PTPRT: variants seen among roughly 807,000 people sequenced by gnomAD.
PTPRT encodes protein tyrosine phosphatase receptor type T, also known as receptor-type tyrosine-protein phosphatase T.
Under a neutral mutation model 176.8 loss-of-function variants are expected in PTPRT, and 56 were observed. That is an observed-to-expected ratio of 0.32 (90% CI 0.26 to 0.40). PTPRT has a LOEUF of 0.40. PTPRT is among the 10% of genes least tolerant of loss of function. The probability of loss-of-function intolerance (pLI) is 1.00; values close to 1 mark genes in which losing one functional copy is unlikely to be tolerated. For missense variants in PTPRT, 1,540 were observed against 1,908.2 expected (o/e 0.81, Z 3.60); for synonymous variants, 783 against 739.0 (o/e 1.06, Z -0.96).
chr20:42,551,243 C>T (rs2072765198), intron 7 of PTPRT, among the ~76,000 whole-genome samples: 1 of 152,052 alleles, frequency 6.6e-6, no homozygotes, highest in South Asian at 2.1e-4. Flanking sequence ...AAAACATCTG[C>T]CTTGTTACTC....
At chr20:42,478,742 C>A (rs1317135796) in intron 7 of PTPRT, among the ~76,000 whole-genome samples, 4 of 151,824 alleles carry the variant, frequency 2.6e-5, no homozygotes, top group Admixed American at 1.3e-4. Context: ...CATTTTTTTT[C>A]CTTAACCTGC....
At chr20:42,159,532 C>T (rs1325439315) in intron 17 of PTPRT, among the ~76,000 whole-genome samples, 1 of 151,990 alleles carries the variant, frequency 6.6e-6, no homozygotes, top group African/African-American at 2.4e-5. Flanking sequence ...CTCACATGCA[C>T]CCTATGTCCC....
intron 12 of PTPRT, among the ~76,000 whole-genome samples, chr20:42,282,948 C>T (rs966524582): frequency 1.3e-5 from 2 of 152,288 alleles, no homozygotes; most frequent in Middle Eastern, 6.8e-3. Context: ...AATAATGCAT[C>T]TACATGCATA....
chr20:42,152,175 T>G (rs537079511), intron 17 of PTPRT, among the ~76,000 whole-genome samples: 1 of 152,374 alleles, frequency 6.6e-6, no homozygotes, highest in South Asian at 2.1e-4. Context: ...TTGAGACAGG[T>G]GCACCTTTTG....
At chr20:42,961,712 A>G (rs1223639568) in intron 1 of PTPRT, among the ~76,000 whole-genome samples, 1 of 152,172 alleles carries the variant, frequency 6.6e-6, no homozygotes, top group East Asian at 1.9e-4. Context: ...GCCCCTAAAA[A>G]TAAGTGTCCA....
intron 7 of PTPRT, among the ~76,000 whole-genome samples, chr20:42,644,239 C>T (rs920913422): frequency 2.6e-5 from 4 of 152,124 alleles, no homozygotes; most frequent in African/African-American, 4.8e-5. Flanking sequence ...CTCTTAGGGC[C>T]TGCAGCCTCC....
At chr20:42,782,287 A>G (rs915577089) in intron 3 of PTPRT, among the ~76,000 whole-genome samples, 1 of 150,558 alleles carries the variant, frequency 6.6e-6, no homozygotes, top group African/African-American at 2.5e-5. Flanking sequence ...CACTGCATAC[A>G]CTCTCCCTTC....
chr20:42,276,522 TATATATATATATATATATATATA>T (rs2057035586), intron 13 of PTPRT, among the ~76,000 whole-genome samples: 1 of 36,482 alleles, frequency 2.7e-5, no homozygotes, highest in African/African-American at 9.2e-5. Context: ...TATATATATA[TATATATATATATATATATATATA>T]TATATATATA....
intron 9 of PTPRT, among the ~76,000 whole-genome samples, chr20:42,376,607 G>T (rs549365426): frequency 6.6e-6 from 1 of 152,164 alleles, no homozygotes; most frequent in Non-Finnish European, 1.5e-5. Context: ...CCTTCTGAAA[G>T]GGAAGATTCA....
chr20:43,138,424 C>A (rs986299340), intron 1 of PTPRT, among the ~76,000 whole-genome samples: 3 of 152,186 alleles, frequency 2.0e-5, no homozygotes, highest in African/African-American at 7.2e-5. Flanking sequence ...ATGAGCCATG[C>A]GACCCTGGGC....
chr20:43,088,099 A>G (rs2146300969), intron 1 of PTPRT, among the ~76,000 whole-genome samples: 1 of 152,334 alleles, frequency 6.6e-6, no homozygotes, highest in Non-Finnish European at 1.5e-5. Flanking sequence ...ACCTGGATCC[A>G]ACCACTACAC....
chr20:42,201,739 A>C (rs939064358), intron 15 of PTPRT, among the ~76,000 whole-genome samples: 49 of 151,474 alleles, frequency 3.2e-4, no homozygotes, highest in African/African-American at 1.2e-3. Context: ...GCAAAAAAAA[A>C]AAAAAAAAAA....
At chr20:43,135,358 G>C (rs1270982629) in intron 1 of PTPRT, among the ~76,000 whole-genome samples, 1 of 152,188 alleles carries the variant, frequency 6.6e-6, no homozygotes, top group Non-Finnish European at 1.5e-5. Context: ...GTTTCTGACA[G>C]ATGTTCATGA....
intron 9 of PTPRT, among the ~76,000 whole-genome samples, chr20:42,377,996 AGAGGAGGACTGATTATTTCAGAGG>A (rs1285858650): frequency 6.6e-6 from 1 of 152,260 alleles, no homozygotes; most frequent in Non-Finnish European, 1.5e-5. Flanking sequence ...GGTCCTACCC[AGAGGAGGACTGATTATTTCAGAGG>A]CAGAGGTTGG....
intron 15 of PTPRT, among the ~76,000 whole-genome samples, chr20:42,207,297 A>C (rs2055497184): frequency 6.6e-6 from 1 of 152,116 alleles, no homozygotes; most frequent in African/African-American, 2.4e-5. Context: ...ATGGAGAATG[A>C]CTTTGACGAG....
chr20:42,814,273 TA>T (rs1309490853), intron 2 of PTPRT, among the ~76,000 whole-genome samples: 1 of 152,196 alleles, frequency 6.6e-6, no homozygotes, highest in Admixed American at 6.5e-5. Flanking sequence ...TCTTTTCTTG[TA>T]TTCTTGTTTG....
At chr20:43,021,495 C>A (rs1297874378) in intron 1 of PTPRT, among the ~76,000 whole-genome samples, 1 of 152,026 alleles carries the variant, frequency 6.6e-6, no homozygotes, top group Non-Finnish European at 1.5e-5. Flanking sequence ...TGGGGTAGGT[C>A]ATACTTCCAG....
chr20:42,779,054 GTAA>G (rs1183068332), intron 4 of PTPRT, among the ~76,000 whole-genome samples: 1 of 152,202 alleles, frequency 6.6e-6, no homozygotes, highest in Non-Finnish European at 1.5e-5. Context: ...TTCGGAACTT[GTAA>G]TGTGTTCCAA....
chr20:42,698,854 T>C (rs1350625451), intron 6 of PTPRT, among the ~76,000 whole-genome samples: 2 of 151,556 alleles, frequency 1.3e-5, no homozygotes, highest in African/African-American at 4.9e-5. Flanking sequence ...AATGCATACA[T>C]GAATGAATGA....
Sources: gnomAD v4.1 joint callset for allele counts (sites outside exome capture counted in the v4.1 genomes callset) on GRCh38, gnomAD v4.1.1 for gene constraint, MANE v1.5 for transcripts, NCBI Gene and HGNC (gene_info 2026-07-23, HGNC 2026-07-21) for gene names.